The following CSPP1 variants were observed in gnomAD, a reference collection of about 807,000 sequenced individuals.
The protein encoded by CSPP1 is centrosome and spindle pole associated protein 1.
A neutral mutation model predicts 164.4 loss-of-function variants in CSPP1; 126 were observed. The observed-to-expected ratio is 0.77, with a 90% CI of 0.66 to 0.89. The LOEUF is 0.89. CSPP1 is among the 40% of genes least tolerant of loss of function. The pLI is 0.00. For synonymous variants in CSPP1, 472 were observed against 476.7 expected (o/e 0.99, Z 0.13); for missense variants, 1,395 against 1,449.8 (o/e 0.96, Z 0.61).
chr8:67,161,776 A>G (rs1308621469), intron 21 of CSPP1, 35 bp from the exon 22 acceptor site: 1 of 1,252,636 alleles, frequency 8.0e-7, no homozygotes, highest in South Asian at 1.2e-5. Context: ...AGTGTGATGA[A>G]GCAAATATGC....
At chr8:67,161,355 C>T (rs1232838869) in intron 21 of CSPP1, among the ~76,000 whole-genome samples, 5 of 152,098 alleles carry the variant, frequency 3.3e-5, no homozygotes, top group Non-Finnish European at 7.4e-5. Flanking sequence ...AAATATAGAA[C>T]CCCATCGTGA....
At chr8:67,178,022 T>C (rs1418683320) in intron 27 of CSPP1, among the ~76,000 whole-genome samples, 2 of 152,142 alleles carry the variant, frequency 1.3e-5, no homozygotes, top group Non-Finnish European at 1.5e-5. Flanking sequence ...ATCTGTAAAA[T>C]GAGGATAATA....
chr8:67,162,712 G>C (rs2129562023), intron 22 of CSPP1, among the ~76,000 whole-genome samples: 1 of 152,272 alleles, frequency 6.6e-6, no homozygotes, highest in Non-Finnish European at 1.5e-5. Context: ...CACAAGTCCA[G>C]ATGTGAGACT....
At chr8:67,171,141 C>T (rs549893298) in intron 24 of CSPP1, among the ~76,000 whole-genome samples, 2 of 149,732 alleles carry the variant, frequency 1.3e-5, no homozygotes, top group East Asian at 4.1e-4. Flanking sequence ...TCATGCACGC[C>T]TGTAATCCCA....
intron 21 of CSPP1, among the ~76,000 whole-genome samples, chr8:67,161,494 T>G (rs1043876355): frequency 6.6e-6 from 1 of 152,216 alleles, no homozygotes; most frequent in Non-Finnish European, 1.5e-5. Flanking sequence ...TTTTTATTAT[T>G]AAAGATGATT....
intron 18 of CSPP1, 134 bp downstream of exon 18, chr8:67,150,069 C>A: frequency 1.1e-6 from 1 of 879,176 alleles, no homozygotes; most frequent in Non-Finnish European, 1.6e-6. Flanking sequence ...ACATAACACA[C>A]TATTCATAAA....
chr8:67,139,976 T>A (rs1823168447), intron 17 of CSPP1, among the ~76,000 whole-genome samples: 1 of 152,232 alleles, frequency 6.6e-6, no homozygotes, highest in Non-Finnish European at 1.5e-5. Context: ...ACACGTACCC[T>A]AAAATTTAAA....
chr8:67,171,726 T>C, intron 24 of CSPP1, among the ~76,000 whole-genome samples: 1 of 151,930 alleles, frequency 6.6e-6, no homozygotes. Context: ...ATTTGTATTT[T>C]TAGTAGAGAC....
chr8:67,190,721 C>G lies in CSPP1; in HGVS notation c.3292C>G (p.Arg1098Gly). 6.2e-7 allele frequency: 1 copy of G among 1,613,798 alleles called. No homozygotes were observed. The highest frequency in any genetic ancestry group is 8.5e-7 in the Non-Finnish European group (1 of 1,179,784). Residue 1098 changes from arginine to glycine, a missense_variant, in exon 29 of 31, where the codon CGG becomes GGG. Arg to Gly is a moderately radical substitution (Grantham distance 125). Coordinates refer to ENST00000678616, the MANE Select transcript of CSPP1 (RefSeq NM_001382391.1). ...TCCACCATCACAGTTGCCCTCTGCA[C>G]GGGAGCGCAGGAGGAACAAATGGAA... ...LPPPSQLPSA[R>G]ERRRNKWKGL...
chr8:67,071,085 GGCATTACAT>G (rs1806678110), intron 1 of CSPP1, among the ~76,000 whole-genome samples: 2 of 151,984 alleles, frequency 1.3e-5, no homozygotes, highest in Non-Finnish European at 1.5e-5. Flanking sequence ...TGTTTCTTTT[GGCATTACAT>G]AATGGCGTGA....
chr8:67,172,764 T>A, intron 25 of CSPP1: 1 of 489,776 alleles, frequency 2.0e-6, no homozygotes, highest in Non-Finnish European at 3.6e-6. Context: ...TGCTTTCTTT[T>A]GGAGAGCATA....
At chr8:67,125,391 T>TA (rs1043283346) in intron 15 of CSPP1, among the ~76,000 whole-genome samples, 18 of 152,240 alleles carry the variant, frequency 1.2e-4, no homozygotes, top group African/African-American at 4.3e-4. Context: ...TCTCTGTCTT[T>TA]ATCTTTCAGC....
intron 7 of CSPP1, among the ~76,000 whole-genome samples, chr8:67,096,981 T>C (rs1247408808): frequency 6.6e-6 from 1 of 152,248 alleles, no homozygotes; most frequent in South Asian, 2.1e-4. Flanking sequence ...GATTTTCAGA[T>C]GGTTTTCAGT....
chr8:67,105,817 T>C (rs1435136307), intron 8 of CSPP1, 88 bp from the exon 9 acceptor site: 1 of 735,630 alleles, frequency 1.4e-6, no homozygotes, highest in Non-Finnish European at 2.4e-6. Context: ...AGGCTAATAA[T>C]TCATAGCTAC....
intron 28 of CSPP1, among the ~76,000 whole-genome samples, chr8:67,183,505 A>T (rs187116954): frequency 2.4e-4 from 37 of 152,336 alleles, no homozygotes; most frequent in Admixed American, 2.2e-3. Flanking sequence ...TAGCTGGAAA[A>T]ATCTCCAAAT....
At chr8:67,113,646 G>A (rs1235681917) in intron 10 of CSPP1, among the ~76,000 whole-genome samples, 159 bp from the exon 11 acceptor site, 1 of 152,032 alleles carries the variant, frequency 6.6e-6, no homozygotes, top group Non-Finnish European at 1.5e-5. Flanking sequence ...AAAAAATTTG[G>A]CTTTCAGTAT....
rs1376918709 is a variant in CSPP1 at position 67,175,771 on chromosome 8, G to C, written c.3109+335G>C. 2.6e-5 allele frequency among the ~76,000 whole-genome samples: 4 copies of C among 152,238 alleles called. No homozygotes were observed. The East Asian group carries it at 7.7e-4, about 29-fold the overall frequency. On this transcript the variant is annotated intron_variant, in intron 26 of 30. Coordinates refer to ENST00000678616, the MANE Select transcript of CSPP1 (RefSeq NM_001382391.1). ...GGCAGACATATCAGTGCCCTGTCAT[G>C]ATGTGTCGGGCATTTGCCTACTGTG...
At chr8:67,144,643 G>A (rs964021636) in intron 17 of CSPP1, among the ~76,000 whole-genome samples, 2 of 152,054 alleles carry the variant, frequency 1.3e-5, no homozygotes, top group African/African-American at 4.8e-5. Context: ...GTCTCACTAT[G>A]TTTATGTTGC....
At chr8:67,159,924 CCTTT>C (rs1827720349) in intron 21 of CSPP1, among the ~76,000 whole-genome samples, 1 of 45,572 alleles carries the variant, frequency 2.2e-5, no homozygotes, top group African/African-American at 1.1e-4. Flanking sequence ...TTCTTTCTTT[CCTTT>C]CCTTCCTTCC....
Sources: allele counts gnomAD v4.1 joint callset (sites outside exome capture counted in the v4.1 genomes callset), GRCh38; gene constraint gnomAD v4.1.1; transcripts MANE v1.5; gene names NCBI Gene and HGNC (gene_info 2026-07-23, HGNC 2026-07-21).